The following THSD7B variants were observed in gnomAD, a reference collection of about 807,000 sequenced individuals.
THSD7B encodes the protein thrombospondin type 1 domain containing 7B.
Under a neutral mutation model 213.6 loss-of-function variants are expected in THSD7B, and 138 were observed. The observed-to-expected ratio is 0.65, with a 90% CI of 0.56 to 0.74. The LOEUF (loss-of-function observed/expected upper bound fraction) is 0.74. Ranked by LOEUF, THSD7B falls within the 30% of genes least tolerant of loss-of-function variation. The pLI, the probability that THSD7B is intolerant of heterozygous loss-of-function variation, is 0.00. For synonymous variants in THSD7B, 742 were observed against 687.0 expected, an observed-to-expected ratio of 1.08 and a Z score of -1.25; for missense variants, 1,931 against 1,991.5, an observed-to-expected ratio of 0.97 and a Z score of 0.58.
At chr2:136,890,724 A>G (rs1401106338) in intron 2 of THSD7B, among the ~76,000 whole-genome samples, 2 of 150,364 alleles carry the variant, frequency 1.3e-5, no homozygotes, top group African/African-American at 4.9e-5. Context: ...TATTTTCAGT[A>G]GAGACAGGGT....
chr2:136,998,622 A>T (rs79785620), intron 2 of THSD7B, among the ~76,000 whole-genome samples: 8,031 of 152,156 alleles, frequency 0.053, 290 homozygotes, highest in East Asian at 0.12. Flanking sequence ...TGACAGACAG[A>T]ATTTGCTAGC....
Position 137,094,866 on chromosome 2 carries a change from T to G in THSD7B, c.951-7T>G. 6.2e-7 allele frequency: 1 copy of G among 1,608,428 alleles called. No homozygotes were observed. On this transcript the variant is annotated splice_polypyrimidine_tract_variant and splice_region_variant and intron_variant, in intron 3 of 27. Transcript: ENST00000409968. ...GGCCTCCTATTTTCTACTTCTGTTTTTTTCAGCCTTTGCCTTCAAGATTCC... is the reference window on the plus strand; with the variant it reads ...GGCCTCCTATTTTCTACTTCTGTTTGTTTCAGCCTTTGCCTTCAAGATTCC...
chr2:136,829,179 T>TAAAA (rs34727528), intron 1 of THSD7B, among the ~76,000 whole-genome samples: 3 of 148,564 alleles, frequency 2.0e-5, no homozygotes, highest in South Asian at 2.1e-4. Context: ...ATCTAATTCT[T>TAAAA]AAAAAAAAAA....
chr2:136,781,209 A>G (rs550501561), intron 1 of THSD7B, among the ~76,000 whole-genome samples: 5 of 151,646 alleles, frequency 3.3e-5, no homozygotes, highest in African/African-American at 1.2e-4. Flanking sequence ...AACACAAATT[A>G]ATTTGTATTT....
intron 12 of THSD7B, among the ~76,000 whole-genome samples, chr2:137,361,298 G>T (rs2104935063): frequency 6.6e-6 from 1 of 152,282 alleles, no homozygotes; most frequent in African/African-American, 2.4e-5. Context: ...AAAGCTGAAA[G>T]TTCTAAAAAC....
At chr2:137,418,913 C>CTT (rs112003243) in intron 14 of THSD7B, among the ~76,000 whole-genome samples, 5,420 of 149,366 alleles carry the variant, frequency 0.036, 316 homozygotes, top group African/African-American at 0.12. Flanking sequence ...ATATGTCTCA[C>CTT]TTTTTTTTTT....
At chr2:137,368,032 T>C (rs955430216) in intron 12 of THSD7B, among the ~76,000 whole-genome samples, 2 of 85,474 alleles carry the variant, frequency 2.3e-5, no homozygotes, top group Non-Finnish European at 5.4e-5. Flanking sequence ...TCAGAAAGCA[T>C]GAGTTTTGTA....
intron 2 of THSD7B, among the ~76,000 whole-genome samples, chr2:136,896,345 A>C (rs748735888): frequency 2.0e-5 from 3 of 152,148 alleles, no homozygotes; most frequent in Admixed American, 2.0e-4. Context: ...AGCCACTTGT[A>C]TATTTTCTTT....
intron 12 of THSD7B, among the ~76,000 whole-genome samples, chr2:137,316,089 A>T (rs538759675): frequency 6.6e-6 from 1 of 152,244 alleles, no homozygotes; most frequent in Admixed American, 6.5e-5. Flanking sequence ...GGGTAATACA[A>T]TTACTTCAGC....
intron 12 of THSD7B, among the ~76,000 whole-genome samples, chr2:137,396,118 C>T (rs1469373417): frequency 6.8e-6 from 1 of 148,132 alleles, no homozygotes; most frequent in Admixed American, 6.7e-5. Context: ...AAACCAGCTC[C>T]TGGATTCATT....
intron 12 of THSD7B, among the ~76,000 whole-genome samples, chr2:137,316,776 GAAAAA>G (rs1229992718): frequency 6.9e-6 from 1 of 144,416 alleles, no homozygotes; most frequent in East Asian, 2.1e-4. Flanking sequence ...AAAAGAAAAA[GAAAAA>G]AAAAGAAAAG....
intron 15 of THSD7B, among the ~76,000 whole-genome samples, chr2:137,557,251 A>G (rs963435254): frequency 1.8e-4 from 27 of 152,186 alleles, no homozygotes; most frequent in Non-Finnish European, 4.0e-4. Context: ...TCTTCTCAGA[A>G]CCACACCACA....
In THSD7B at chr2:137,215,815, A is replaced by G. The variant is rs145485700; in HGVS notation, c.1724-15229A>G. 4.7e-3 allele frequency among the ~76,000 whole-genome samples: 716 copies of G among 152,320 alleles called. 4 individuals carry two copies. Among genetic ancestry groups the G allele is most frequent in the African/African-American group, 0.016 (682 of 41,574 alleles). ...AAATTTTGAATATTTCTTCTCTAAG[A>G]TACTGAAAGCAATTCATCAGAATAA... is the stretch of plus-strand genomic sequence containing the variant. On this transcript the variant is annotated intron_variant, in intron 7 of 27. Coordinates refer to ENST00000409968, the MANE Select transcript of THSD7B (RefSeq NM_001316349.2).
intron 15 of THSD7B, among the ~76,000 whole-genome samples, chr2:137,504,530 G>A (rs1040552532): frequency 4.6e-5 from 7 of 152,156 alleles, no homozygotes; most frequent in African/African-American, 1.7e-4. Flanking sequence ...TTTCAACAAG[G>A]AAAGGTATTA....
At chr2:137,569,356 A>G (rs758267623) in intron 16 of THSD7B, among the ~76,000 whole-genome samples, 3 of 152,128 alleles carry the variant, frequency 2.0e-5, no homozygotes, top group South Asian at 2.1e-4. Context: ...GTAAACTTTT[A>G]CTTAAACCTC....
chr2:137,533,958 C>A (rs1015102076), intron 15 of THSD7B, among the ~76,000 whole-genome samples: 1 of 150,990 alleles, frequency 6.6e-6, no homozygotes, highest in Admixed American at 6.6e-5. Context: ...ATTCCAATAT[C>A]CTTTAAAAAA....
At chr2:137,105,233 G>A (rs912207150) in intron 4 of THSD7B, among the ~76,000 whole-genome samples, 17 of 152,110 alleles carry the variant, frequency 1.1e-4, no homozygotes, top group Admixed American at 1.0e-3. Flanking sequence ...TTCATCCCAG[G>A]GATGCAAGGC....
intron 5 of THSD7B, among the ~76,000 whole-genome samples, chr2:137,119,298 TATGAG>T (rs1344293477): frequency 3.3e-5 from 5 of 152,224 alleles, no homozygotes; most frequent in Non-Finnish European, 7.3e-5. Flanking sequence ...ATGTGCCTGT[TATGAG>T]TTAGTCTATG....
chr2:137,390,755 T>G (rs1025641745), intron 12 of THSD7B, among the ~76,000 whole-genome samples: 4 of 152,208 alleles, frequency 2.6e-5, no homozygotes, highest in Non-Finnish European at 5.9e-5. Flanking sequence ...GATGCTGGAT[T>G]TATCAAATGT....
Sources: gnomAD v4.1 joint callset for allele counts (sites outside exome capture counted in the v4.1 genomes callset) on GRCh38, gnomAD v4.1.1 for gene constraint, MANE v1.5 for transcripts, NCBI Gene and HGNC (gene_info 2026-07-23, HGNC 2026-07-21) for gene names.